Variants in ITIH1 observed in about 807,000 individuals in gnomAD.
ITIH1 encodes inter-alpha-trypsin inhibitor heavy chain H1.
Under a neutral mutation model 104.6 loss-of-function variants are expected in ITIH1, and 94 were observed. The ratio of observed to expected loss-of-function variants is 0.90; its 90% CI spans 0.76 to 1.07. ITIH1 has a LOEUF of 1.07. ITIH1 is among the 50% of genes least tolerant of loss of function. The pLI, the probability that ITIH1 is intolerant of heterozygous loss-of-function variation, is 0.00. For synonymous variants in ITIH1, 455 were observed against 464.4 expected (o/e 0.98, Z 0.26); for missense variants, 1,193 against 1,181.4 (o/e 1.01, Z -0.14).
chr3:52,778,839 G>C, intron 3 of ITIH1, 103 bp from the exon 4 acceptor site: 1 of 1,071,080 alleles, frequency 9.3e-7, no homozygotes, highest in Non-Finnish European at 1.4e-6. Flanking sequence ...TGGAAGGCTC[G>C]TCAGGAGACG....
At chr3:52,781,552 C>T (rs1219047837) in intron 6 of ITIH1, among the ~76,000 whole-genome samples, 2 of 152,128 alleles carry the variant, frequency 1.3e-5, no homozygotes, top group African/African-American at 2.4e-5. Context: ...ATTCTGCACC[C>T]TTCCTTCCAG....
intron 19 of ITIH1, chr3:52,790,145 G>A (rs1699313853): frequency 4.1e-6 from 2 of 483,852 alleles, no homozygotes; most frequent in African/African-American, 3.9e-5. Context: ...CCAGCAAAGA[G>A]GCCACCTCTT....
At chr3:52,787,125 G>T (rs1699224577) in intron 14 of ITIH1, 26 bp downstream of exon 14, 1 of 1,614,220 alleles carries the variant, frequency 6.2e-7, no homozygotes, top group African/African-American at 1.3e-5. Flanking sequence ...GTCTACAGAA[G>T]GGAGAGGCCA....
chr3:52,781,203 TTTTTTTTCTTCTTCTTCTTCTTCTTCTTC>T (rs1699027970), intron 6 of ITIH1, among the ~76,000 whole-genome samples: 2 of 122,696 alleles, frequency 1.6e-5, no homozygotes, highest in African/African-American at 3.7e-5. Flanking sequence ...TCTTCTTTTT[TTTTTTTTCTTCTTCTTCTTCTTCTTCTTC>T]TTCTTCTTCT....
chr3:52,789,352 T>A (rs1699286350), intron 18 of ITIH1, among the ~76,000 whole-genome samples: 2 of 151,676 alleles, frequency 1.3e-5, no homozygotes, highest in South Asian at 4.2e-4. Context: ...CCTGTCCCTG[T>A]GTGAGGGGCT....
rs147817721 is a variant in ITIH1 at position 52,788,379 on chromosome 3, C to T, written c.2119+34C>T. On this transcript the variant is annotated intron_variant, in intron 18 of 21. Coordinates refer to ENST00000273283, the MANE Select transcript of ITIH1 (RefSeq NM_002215.4). ...GGCATCACACCTCTGCCAGACAGGG[C>T]CAGGGCTCCTCTGCCCTCAACATTC... The T allele has an allele frequency of 1.1e-4, 144 of 1,349,856 alleles. 1 individual carries two copies. In the Middle Eastern group the frequency reaches 2.3e-3, roughly 21 times the overall value. The allele number at this position is 1,349,856 out of a possible 1,614,324, so 83.6% of individuals were successfully genotyped here. A position where few individuals can be genotyped will look rare whatever the true frequency, so the allele number is the denominator to read the frequency against.
In ITIH1 at chr3:52,786,279, G is replaced by A; in HGVS notation, c.1594-16G>A. 6.4e-7 allele frequency: 1 copy of A among 1,563,642 alleles called. No homozygotes were observed. ...TTATCATGGTGCACCACCCCTCTCT[G>A]TACCTCAACTCTCAGGAGGGACAAG... On this transcript the variant is annotated splice_polypyrimidine_tract_variant and intron_variant, in intron 12 of 21. Transcript: ENST00000273283.
At chr3:52,784,254 G>A (rs1699139719) in intron 10 of ITIH1, 42 bp from the exon 11 acceptor site, 1 of 1,575,624 alleles carries the variant, frequency 6.3e-7, no homozygotes, top group South Asian at 1.2e-5. Flanking sequence ...CCACATGCCT[G>A]TGGGCCAGCA....
At chr3:52,781,194 CTTCTTTTTTTTTTTTT>C (rs1559461078) in intron 6 of ITIH1, among the ~76,000 whole-genome samples, 25 of 93,384 alleles carry the variant, frequency 2.7e-4, no homozygotes, top group African/African-American at 1.3e-3. Flanking sequence ...ACCTCCTCCT[CTTCTTTTTTTTTTTTT>C]CTTCTTCTTC....
chr3:52,781,208 T>TCTTCTTC (rs563814051), intron 6 of ITIH1, among the ~76,000 whole-genome samples: 1 of 49,972 alleles, frequency 2.0e-5, no homozygotes, highest in African/African-American at 9.1e-5. Flanking sequence ...TTTTTTTTTT[T>TCTTCTTC]TTCTTCTTCT....
intron 18 of ITIH1, among the ~76,000 whole-genome samples, chr3:52,788,923 C>T (rs1202752557): frequency 6.6e-6 from 1 of 151,832 alleles, no homozygotes; most frequent in African/African-American, 2.4e-5. Flanking sequence ...GGGGCCCTTC[C>T]TTTTTATTTC....
chr3:52,789,588 T>C (rs1699293723), intron 18 of ITIH1, 65 bp from the exon 19 acceptor site: 3 of 1,443,610 alleles, frequency 2.1e-6, no homozygotes. Context: ...GAAGGAGGCA[T>C]GATCCTGCTA....
rs1698994259 is a variant in ITIH1, at chr3:52,779,984, G to A, written c.574-285G>A. ...GATGCAGGCATGTACACCTTCATTT[G>A]GTCAGTATTTTTGGAGTGCCTACTG... On this transcript the variant is annotated intron_variant, in intron 5 of 21. Coordinates refer to ENST00000273283, the MANE Select transcript of ITIH1 (RefSeq NM_002215.4). The surrounding 1 kb of genome is among the most constrained non-coding windows in gnomAD (Gnocchi z 4.4). The A allele has an allele frequency of 7.2e-7, 1 of 1,394,796 alleles. No homozygotes were observed. Among genetic ancestry groups the A allele is most frequent in the East Asian group, 2.7e-5 (1 of 36,648 alleles). 86.4% of individuals were successfully genotyped at this position (1,394,796 alleles called of 1,614,324 possible).
rs374399262 is a variant in ITIH1, at chr3:52,788,310, G to C, written c.2084G>C (p.Gly695Ala). The C allele has an allele frequency of 6.2e-6, 10 of 1,609,934 alleles. 1 individual carries two copies. The highest frequency in any genetic ancestry group is 1.7e-4 in the Middle Eastern group (1 of 6,032). ...TGCTTCAACATCAATGAGGAGCCTG[G>C]TGTTATCCTGAGCCTGGTACAGGAC... ...TLCFNINEEP[G>A]VILSLVQDPN... The change falls in exon 18 of 22, where the codon GGT becomes GCT. Residue 695 changes from glycine to alanine, a missense_variant. Physicochemically the swap from Gly to Ala is moderately conservative, Grantham distance 60. Transcript: ENST00000273283.
At chr3:52,780,833 C>A (rs1434351581) in intron 6 of ITIH1, among the ~76,000 whole-genome samples, 1 of 152,222 alleles carries the variant, frequency 6.6e-6, no homozygotes, top group Non-Finnish European at 1.5e-5. Context: ...TTGTCGCTTG[C>A]CACTATTTGC....
chr3:52,787,888 G>A (rs1317167326), intron 16 of ITIH1, 98 bp from the exon 17 acceptor site: 1 of 1,259,010 alleles, frequency 7.9e-7, no homozygotes, highest in South Asian at 1.2e-5. Flanking sequence ...GTGGCCTCAG[G>A]CCAGCCCCAC....
At chr3:52,783,165 G>A (rs765626705) in intron 9 of ITIH1, 40 bp downstream of exon 9, 1 of 1,614,024 alleles carries the variant, frequency 6.2e-7, no homozygotes. Context: ...TGTCACCTCT[G>A]TCCCCTCAGA....
At position 52,782,284 on chromosome 3, in the gene ITIH1, A is replaced by G. The variant is rs1373990240; in HGVS notation, c.930+17A>G. The G allele has an allele frequency of 6.3e-7, 1 of 1,585,454 alleles. No homozygotes were observed. On this transcript the variant is annotated intron_variant, in intron 8 of 21. Coordinates refer to ENST00000273283, the MANE Select transcript of ITIH1 (RefSeq NM_002215.4). ...GTGAAGCAGGTAGGCTGCAGCTTGA[A>G]ACAGCTCACCCAGCAGAAGCTTCCA...
chr3:52,782,930 T>C (rs1261099514), intron 8 of ITIH1, 27 bp from the exon 9 acceptor site: 2 of 1,612,446 alleles, frequency 1.2e-6, no homozygotes, highest in South Asian at 1.1e-5. Flanking sequence ...GGGCCCTGTC[T>C]GTCTACTGAC....
Sources: gnomAD v4.1 joint callset for allele counts (sites outside exome capture counted in the v4.1 genomes callset) on GRCh38, gnomAD v4.1.1 for gene constraint, Gnocchi (gnomAD v3.1) non-coding constraint, MANE v1.5 for transcripts, NCBI Gene and HGNC (gene_info 2026-07-23, HGNC 2026-07-21) for gene names.